The following CTNND2 variants were observed in gnomAD, a reference collection of about 807,000 sequenced individuals.
The protein encoded by CTNND2 is catenin delta 2, also known as catenin delta-2.
Under a neutral mutation model 144.4 loss-of-function variants are expected in CTNND2, and 22 were observed. The ratio of observed to expected loss-of-function variants is 0.15; its 90% CI spans 0.11 to 0.22. The LOEUF is 0.22. CTNND2 is among the 10% of genes least tolerant of loss of function. The probability of loss-of-function intolerance (pLI) is 1.00; values close to 1 mark genes in which losing one functional copy is unlikely to be tolerated. For missense variants in CTNND2, 1,353 were observed against 1,618.8 expected, an observed-to-expected ratio of 0.84 and a Z score of 2.82; for synonymous variants, 751 against 695.6, an observed-to-expected ratio of 1.08 and a Z score of -1.25.
chr5:11,370,030 T>C (rs1489337672), intron 7 of CTNND2, among the ~76,000 whole-genome samples: 1 of 152,172 alleles, frequency 6.6e-6, no homozygotes, highest in African/African-American at 2.4e-5. Context: ...CTACAATTGA[T>C]TGGACGAATG....
chr5:11,459,136 G>A (rs1298579818), intron 3 of CTNND2, among the ~76,000 whole-genome samples: 1 of 152,126 alleles, frequency 6.6e-6, no homozygotes, highest in African/African-American at 2.4e-5. Context: ...CACAGAAAGT[G>A]CTTAGCAGAG....
intron 16 of CTNND2, among the ~76,000 whole-genome samples, chr5:11,069,471 C>T (rs908925840): frequency 7.9e-5 from 12 of 152,062 alleles, no homozygotes; most frequent in Non-Finnish European, 1.3e-4. Flanking sequence ...AAATGTTATC[C>T]GTAGGGACAG....
intron 9 of CTNND2, among the ~76,000 whole-genome samples, chr5:11,238,776 A>G (rs1741914925): frequency 6.6e-6 from 1 of 152,180 alleles, no homozygotes; most frequent in South Asian, 2.1e-4. Flanking sequence ...ATACTCAGAA[A>G]GACATACAGT....
chr5:11,778,909 C>T (rs1790395962), intron 1 of CTNND2, among the ~76,000 whole-genome samples: 1 of 152,300 alleles, frequency 6.6e-6, no homozygotes, highest in Middle Eastern at 3.4e-3. Flanking sequence ...ATTCTGAAAA[C>T]TTAAAACTTT....
At chr5:11,759,581 CA>C (rs1475963700) in intron 1 of CTNND2, among the ~76,000 whole-genome samples, 1 of 151,538 alleles carries the variant, frequency 6.6e-6, no homozygotes, top group African/African-American at 2.4e-5. Context: ...TGTCTTAGAT[CA>C]AAAAGCAATA....
At chr5:11,145,342 C>T (rs1371520018) in intron 12 of CTNND2, among the ~76,000 whole-genome samples, 1 of 120,784 alleles carries the variant, frequency 8.3e-6, no homozygotes, top group African/African-American at 2.5e-5. Context: ...TCCCTTGCCT[C>T]CCCCTGTCCC....
rs111908566 is a variant in CTNND2 at position 11,858,262 on chromosome 5, T to C, written c.37+45555A>G. On this transcript the variant is annotated intron_variant, in intron 1 of 21. Coordinates refer to ENST00000304623, the MANE Select transcript of CTNND2 (RefSeq NM_001332.4). ...TTAATAACAAAAATAGGTGGCAAAG[T>C]TGGTTTTATATAATATTGCCTTATA... Among the ~76,000 whole-genome samples, 479 of 152,310 alleles carry C rather than the reference T, an allele frequency of 3.1e-3. 4 individuals are homozygous for C. Among genetic ancestry groups the C allele is most frequent in the African/African-American group, 0.01 (426 of 41,570 alleles).
intron 16 of CTNND2, among the ~76,000 whole-genome samples, chr5:11,076,392 G>A (rs887681016): frequency 6.6e-6 from 1 of 152,218 alleles, no homozygotes; most frequent in Non-Finnish European, 1.5e-5. Context: ...ACCAGGAACT[G>A]TCCATGTGCC....
intron 2 of CTNND2, among the ~76,000 whole-genome samples, chr5:11,584,605 A>T (rs542624509): frequency 3.3e-4 from 50 of 152,310 alleles, no homozygotes; most frequent in African/African-American, 9.6e-4. Flanking sequence ...GTTTATTTTT[A>T]AAATCATATG....
At chr5:11,226,829 T>G (rs1329631259) in intron 10 of CTNND2, among the ~76,000 whole-genome samples, 1 of 152,218 alleles carries the variant, frequency 6.6e-6, no homozygotes, top group Non-Finnish European at 1.5e-5. Context: ...GGGGTCTATT[T>G]TGTTCACTGC....
At chr5:11,769,513 A>G (rs1789794898) in intron 1 of CTNND2, among the ~76,000 whole-genome samples, 1 of 152,236 alleles carries the variant, frequency 6.6e-6, no homozygotes, top group Admixed American at 6.5e-5. Flanking sequence ...AGATAACTGT[A>G]AAACATAACA....
At chr5:11,578,516 C>T (rs1057102105) in intron 2 of CTNND2, among the ~76,000 whole-genome samples, 2 of 151,928 alleles carry the variant, frequency 1.3e-5, no homozygotes, top group Non-Finnish European at 2.9e-5. Context: ...CAAAAATTAG[C>T]CAGGCACGGT....
intron 2 of CTNND2, among the ~76,000 whole-genome samples, chr5:11,646,581 A>C (rs927761866): frequency 1.3e-5 from 2 of 152,232 alleles, no homozygotes; most frequent in African/African-American, 4.8e-5. Context: ...ATCTTCAAGA[A>C]ATATTTTACC....
intron 2 of CTNND2, among the ~76,000 whole-genome samples, chr5:11,624,140 C>T (rs1781027183): frequency 6.6e-6 from 1 of 151,962 alleles, no homozygotes; most frequent in South Asian, 2.1e-4. Context: ...GGCATGTAAA[C>T]TCCCATGCAT....
chr5:11,124,494 A>G (rs1754470161), intron 12 of CTNND2, among the ~76,000 whole-genome samples: 1 of 152,162 alleles, frequency 6.6e-6, no homozygotes, highest in Non-Finnish European at 1.5e-5. Flanking sequence ...AATTTTAAAG[A>G]GATCTTCTAT....
At chr5:11,844,977 A>T (rs1431831183) in intron 1 of CTNND2, among the ~76,000 whole-genome samples, 1 of 152,110 alleles carries the variant, frequency 6.6e-6, no homozygotes, top group Non-Finnish European at 1.5e-5. Flanking sequence ...CATCATTTTC[A>T]TGAACGGGAG....
At chr5:11,203,895 C>G (rs1268330266) in intron 10 of CTNND2, among the ~76,000 whole-genome samples, 1 of 152,196 alleles carries the variant, frequency 6.6e-6, no homozygotes, top group Admixed American at 6.5e-5. Flanking sequence ...ATTCTCATAT[C>G]TGCTACTTTC....
chr5:11,082,911 T>A, intron 15 of CTNND2, 65 bp from the exon 16 acceptor site: 1 of 1,567,226 alleles, frequency 6.4e-7, no homozygotes, highest in Non-Finnish European at 8.7e-7. Flanking sequence ...AAATAGTACA[T>A]TTGCGTTTTC....
intron 7 of CTNND2, among the ~76,000 whole-genome samples, chr5:11,374,739 C>T (rs1391331085): frequency 1.3e-5 from 2 of 148,732 alleles, no homozygotes; most frequent in Non-Finnish European, 3.0e-5. Context: ...CGAATATTTC[C>T]ATGGAAATAA....
Sources: allele counts gnomAD v4.1 joint callset (sites outside exome capture counted in the v4.1 genomes callset), GRCh38; gene constraint gnomAD v4.1.1; transcripts MANE v1.5; gene names NCBI Gene and HGNC (gene_info 2026-07-23, HGNC 2026-07-21).